The following MED15 variants were observed in gnomAD, a reference collection of about 807,000 sequenced individuals.
MED15 encodes the protein mediator complex subunit 15.
In MED15, 41 loss-of-function variants were observed where a neutral mutation model predicts 118.7. The observed-to-expected ratio is 0.35, with a 90% confidence interval of 0.27 to 0.45. The LOEUF (loss-of-function observed/expected upper bound fraction) is 0.45, where lower values mean the gene tolerates loss of function less well. Ranked by LOEUF, MED15 falls within the 20% of genes least tolerant of loss-of-function variation. The pLI is 1.00. For synonymous variants in MED15, 436 were observed against 413.9 expected (o/e 1.05, Z -0.65); for missense variants, 740 against 1,025.5 (o/e 0.72, Z 3.80).
At chr22:20,568,681 C>T in intron 8 of MED15, 50 bp downstream of exon 8, 5 of 1,592,010 alleles carry the variant, frequency 3.1e-6, no homozygotes, top group South Asian at 1.1e-5. Context: ...GGTGCATGTT[C>T]ACCTGCGCAT....
In MED15 at chr22:20,584,947, T is replaced by G; in HGVS notation, c.1896T>G (p.Pro632=). The change falls in exon 15 of 18, where the codon CCT becomes CCG. Residue 632 remains proline (P), a synonymous_variant. Transcript: ENST00000263205. ...LDAVLANIRS[P]VFNHSLYRTF... Reference sequence around the variant, plus strand: ...CCGTCCTGGCCAACATCCGCTCACCTGTCTTCAACCATTCCCTGTACCGCA... The same window carrying G: ...CCGTCCTGGCCAACATCCGCTCACCGGTCTTCAACCATTCCCTGTACCGCA... The G allele has an allele frequency of 6.2e-7, 1 of 1,613,992 alleles. No homozygotes were observed. The highest frequency in any genetic ancestry group is 8.5e-7 in the Non-Finnish European group (1 of 1,179,980).
At chr22:20,546,774 C>G (rs1235889681) in intron 2 of MED15, among the ~76,000 whole-genome samples, 1 of 152,052 alleles carries the variant, frequency 6.6e-6, no homozygotes, top group African/African-American at 2.4e-5. Flanking sequence ...TCCTGTGTCT[C>G]TTGGGGCCCT....
chr22:20,534,615 C>T (rs747551122), intron 1 of MED15, among the ~76,000 whole-genome samples: 16 of 152,182 alleles, frequency 1.1e-4, no homozygotes, highest in Admixed American at 2.0e-4. Context: ...ATGAGGCAAC[C>T]TTCAGAAAAC....
chr22:20,534,659 A>G (rs538004813), intron 1 of MED15, among the ~76,000 whole-genome samples: 1 of 152,320 alleles, frequency 6.6e-6, no homozygotes, highest in Admixed American at 6.5e-5. Flanking sequence ...AGAAATGCTC[A>G]CTGACTTCTT....
Position 20,586,811 on chromosome 22 carries a change from C to CT in MED15, c.*110dup, listed in dbSNP as rs2057149808. 1 of 1,459,354 alleles carries CT rather than the reference C, an allele frequency of 6.9e-7. No homozygotes were observed. The highest frequency in any genetic ancestry group is 9.2e-7 in the Non-Finnish European group (1 of 1,086,532). The allele number at this position is 1,459,354 out of a possible 1,614,324, so 90.4% of individuals were successfully genotyped here. Reference sequence around the variant, plus strand: ...CTTAGAGAGCCTGGGGTTAGGTTAGCTTTCCTGCTTTTATCTTCTGCCTTG... The same window carrying CT: ...CTTAGAGAGCCTGGGGTTAGGTTAGCTTTTCCTGCTTTTATCTTCTGCCTTG... On this transcript the variant is annotated 3_prime_UTR_variant, in exon 18 of 18. Transcript: ENST00000263205.
chr22:20,527,038 C>T (rs2054669301), intron 1 of MED15, among the ~76,000 whole-genome samples: 1 of 152,214 alleles, frequency 6.6e-6, no homozygotes, highest in Non-Finnish European at 1.5e-5. Flanking sequence ...TGATGTTACA[C>T]TGCGCTGCCC....
rs147394731 is a variant in MED15, at chr22:20,543,272, C to G, written c.156+6068C>G. 4.1e-5 allele frequency among the ~76,000 whole-genome samples: 5 copies of G among 122,270 alleles called. No homozygotes were observed. In the South Asian group the frequency reaches 1.4e-3, roughly 34 times the overall value. 80.2% of individuals were successfully genotyped at this position (122,270 alleles called of 152,430 possible). A position where few individuals can be genotyped will look rare whatever the true frequency, so the allele number is the denominator to read the frequency against. On this transcript the variant is annotated intron_variant, in intron 2 of 17. Transcript: ENST00000263205. ...TCTCGCCCAGGCTGGAGTGCAGTGG[C>G]GTGATCTCAGGTCATTGCAACCTCC...
intron 1 of MED15, among the ~76,000 whole-genome samples, chr22:20,531,780 T>C (rs1224057822): frequency 2.0e-5 from 3 of 152,230 alleles, no homozygotes; most frequent in Admixed American, 2.0e-4. Context: ...GTTCTTAGTA[T>C]AGTGGGGCTG....
Position 20,547,032 on chromosome 22 carries a change from T to C in MED15, c.157-4404T>C, listed in dbSNP as rs967467151. Among the ~76,000 whole-genome samples, 15 of 152,348 alleles carry C rather than the reference T, an allele frequency of 9.8e-5. No individual in the cohort carries two copies. In the South Asian group the frequency reaches 1.0e-3, roughly 11 times the overall value. ...TATTTCTAATTCAAATTTAAACTTA[T>C]ATATAGGGTTTTTACTTCTTTCATT... On this transcript the variant is annotated intron_variant, in intron 2 of 17. Transcript: ENST00000263205.
At chr22:20,565,595 C>G (rs1411675327) in intron 6 of MED15, among the ~76,000 whole-genome samples, 11 of 152,164 alleles carry the variant, frequency 7.2e-5, no homozygotes, top group Non-Finnish European at 1.2e-4. Flanking sequence ...CACCCTCCCA[C>G]CCCTTCAGGC....
rs56307139 is a variant in MED15 at position 20,545,473 on chromosome 22, CAAAAA to C, written c.157-5947_157-5943del. 3.8e-3 allele frequency among the ~76,000 whole-genome samples: 345 copies of C among 90,116 alleles called. 1 individual carries two copies. Among genetic ancestry groups the C allele is most frequent in the African/African-American group, 0.014 (319 of 23,376 alleles). 59.1% of individuals were successfully genotyped at this position (90,116 alleles called of 152,430 possible). A position where few individuals can be genotyped will look rare whatever the true frequency, so the allele number is the denominator to read the frequency against. On this transcript the variant is annotated intron_variant, in intron 2 of 17. Transcript: ENST00000263205. ...TGTGTGACAGAGCGAGACTCCACCT[CAAAAA>C]AAAAAAAAAAAAAAAGAAACAAAAT...
intron 1 of MED15, among the ~76,000 whole-genome samples, chr22:20,534,189 C>T (rs1240043286): frequency 6.6e-6 from 1 of 152,012 alleles, no homozygotes; most frequent in African/African-American, 2.4e-5. Context: ...CACAGCCAGC[C>T]TCCAGGCCGT....
At chr22:20,546,049 TA>T (rs1377759189) in intron 2 of MED15, among the ~76,000 whole-genome samples, 2 of 152,186 alleles carry the variant, frequency 1.3e-5, no homozygotes, top group African/African-American at 4.8e-5. Context: ...ATGGAGTCAC[TA>T]TTGTCATCAA....
chr22:20,548,587 A>G (rs1023629662), intron 2 of MED15, among the ~76,000 whole-genome samples: 1 of 152,098 alleles, frequency 6.6e-6, no homozygotes, highest in Admixed American at 6.6e-5. Flanking sequence ...TGGGTTGTCG[A>G]TTTTCAATTT....
intron 1 of MED15, among the ~76,000 whole-genome samples, chr22:20,533,557 G>A (rs1035189602): frequency 3.3e-5 from 5 of 152,186 alleles, no homozygotes; most frequent in African/African-American, 9.6e-5. Flanking sequence ...TGTTCTGAGC[G>A]GTAGCCTTGC....
chr22:20,575,507 A>G (rs915580106), intron 9 of MED15, among the ~76,000 whole-genome samples: 3 of 151,984 alleles, frequency 2.0e-5, no homozygotes, highest in African/African-American at 7.3e-5. Flanking sequence ...GCTAAGCAAA[A>G]GTTTTGCTTT....
intron 1 of MED15, among the ~76,000 whole-genome samples, chr22:20,524,769 C>T (rs971803846): frequency 1.3e-5 from 2 of 152,200 alleles, no homozygotes; most frequent in Non-Finnish European, 2.9e-5. Flanking sequence ...TTACAGGCGC[C>T]TGCCACCATG....
Position 20,566,583 on chromosome 22 carries a change from A to G in MED15, c.807A>G (p.Pro269=), listed in dbSNP as rs760285807. ...AGCAGGCTTTGCAGGCCCAGCCACC[A>G]ATTCAGCAGCCACCGATGCAGCAGC... ...QQQQALQAQP[P]IQQPPMQQPQ... Residue 269 remains proline, a synonymous_variant, in exon 7 of 18, where the codon CCA becomes CCG. Coordinates refer to ENST00000263205, the MANE Select transcript of MED15 (RefSeq NM_001003891.3). 13 of 1,613,712 alleles carry G rather than the reference A, an allele frequency of 8.1e-6. No individual in the cohort carries two copies. The highest frequency in any genetic ancestry group is 2.2e-5 in the East Asian group (1 of 44,874).
intron 9 of MED15, among the ~76,000 whole-genome samples, chr22:20,579,652 C>T (rs185560828): frequency 6.6e-6 from 1 of 152,310 alleles, no homozygotes; most frequent in East Asian, 1.9e-4. Context: ...TCGGTGTCCA[C>T]CTGCCTTCAG....
Sources: allele counts gnomAD v4.1 joint callset (sites outside exome capture counted in the v4.1 genomes callset), GRCh38; gene constraint gnomAD v4.1.1; transcripts MANE v1.5; gene names NCBI Gene and HGNC (gene_info 2026-07-23, HGNC 2026-07-21).